ROBO2: variants seen among roughly 807,000 people sequenced by gnomAD.
ROBO2 encodes roundabout guidance receptor 2, also known as roundabout homolog 2.
Under a neutral mutation model 160.8 loss-of-function variants are expected in ROBO2, and 53 were observed. The observed-to-expected ratio is 0.33, with a 90% CI of 0.26 to 0.41. The LOEUF (loss-of-function observed/expected upper bound fraction) is 0.41. ROBO2 is among the 10% of genes least tolerant of loss of function. The pLI, the probability that ROBO2 is intolerant of heterozygous loss-of-function variation, is 1.00. For synonymous variants in ROBO2, 664 were observed against 611.7 expected, an observed-to-expected ratio of 1.09 and a Z score of -1.26; for missense variants, 1,577 against 1,722.4, an observed-to-expected ratio of 0.92 and a Z score of 1.49.
intron 2 of ROBO2, among the ~76,000 whole-genome samples, chr3:76,536,482 G>A (rs990657153): frequency 4.6e-5 from 7 of 152,108 alleles, no homozygotes; most frequent in Admixed American, 1.3e-4. Flanking sequence ...CTGGGTTTTC[G>A]TCTTTACCTT....
At chr3:75,988,234 C>A (rs1242394063) in intron 2 of ROBO2, among the ~76,000 whole-genome samples, 1 of 152,010 alleles carries the variant, frequency 6.6e-6, no homozygotes, top group Non-Finnish European at 1.5e-5. Context: ...TTCAGATTTT[C>A]TATTTTTTCA....
chr3:76,854,531 T>C (rs1454385366), intron 2 of ROBO2, among the ~76,000 whole-genome samples: 1 of 152,188 alleles, frequency 6.6e-6, no homozygotes, highest in Non-Finnish European at 1.5e-5. Context: ...TTTCCAATAA[T>C]ACCCAGTGGT....
At chr3:77,373,823 C>T (rs2072181560) in intron 2 of ROBO2, among the ~76,000 whole-genome samples, 1 of 150,590 alleles carries the variant, frequency 6.6e-6, no homozygotes, top group African/African-American at 2.5e-5. Flanking sequence ...TTTTCATTCA[C>T]TCCCACAGGG....
At chr3:76,170,517 A>T (rs1243006222) in intron 2 of ROBO2, among the ~76,000 whole-genome samples, 5 of 152,198 alleles carry the variant, frequency 3.3e-5, no homozygotes, top group Admixed American at 3.3e-4. Flanking sequence ...ATTTTATACT[A>T]CGCAAATTAG....
intron 2 of ROBO2, among the ~76,000 whole-genome samples, chr3:77,457,917 G>A (rs563089976): frequency 3.9e-5 from 6 of 152,050 alleles, no homozygotes; most frequent in African/African-American, 1.4e-4. Context: ...ATACTAATCA[G>A]GACAATTATC....
intron 2 of ROBO2, among the ~76,000 whole-genome samples, chr3:77,312,397 A>G (rs1371605085): frequency 6.6e-6 from 1 of 152,198 alleles, no homozygotes. Flanking sequence ...GAAGCATTTT[A>G]TGAAGCCAGT....
chr3:77,269,251 A>G (rs1049218715), intron 2 of ROBO2, among the ~76,000 whole-genome samples: 39 of 152,300 alleles, frequency 2.6e-4, no homozygotes, highest in African/African-American at 9.1e-4. Flanking sequence ...TAGTCTTATC[A>G]ACATGGATAA....
intron 2 of ROBO2, among the ~76,000 whole-genome samples, chr3:76,322,180 AT>A (rs1559761292): frequency 1.7e-5 from 1 of 58,024 alleles, no homozygotes; most frequent in Admixed American, 1.6e-4. Flanking sequence ...ATATATATAT[AT>A]ATATATATAT....
At chr3:76,184,957 T>C (rs1001621915) in intron 2 of ROBO2, among the ~76,000 whole-genome samples, 3 of 151,792 alleles carry the variant, frequency 2.0e-5, no homozygotes, top group African/African-American at 4.8e-5. Context: ...CGATGGTGGC[T>C]CTTCTCTACC....
intron 2 of ROBO2, among the ~76,000 whole-genome samples, chr3:76,007,671 T>C (rs1195558829): frequency 6.6e-6 from 1 of 152,148 alleles, no homozygotes; most frequent in Non-Finnish European, 1.5e-5. Context: ...TTATCATAGA[T>C]AAGTAAGGGT....
intron 2 of ROBO2, among the ~76,000 whole-genome samples, chr3:77,298,372 G>A (rs2062342658): frequency 6.6e-6 from 1 of 152,106 alleles, no homozygotes; most frequent in South Asian, 2.1e-4. Flanking sequence ...TAGCTGGAAA[G>A]GAACTCCAAT....
chr3:76,359,555 C>T (rs1035291386), intron 2 of ROBO2, among the ~76,000 whole-genome samples: 1 of 151,966 alleles, frequency 6.6e-6, no homozygotes, highest in Non-Finnish European at 1.5e-5. Flanking sequence ...CCTCCTGTTA[C>T]GCACAATGGT....
intron 14 of ROBO2, among the ~76,000 whole-genome samples, chr3:77,576,584 G>A (rs1388919348): frequency 6.6e-6 from 1 of 152,056 alleles, no homozygotes; most frequent in Non-Finnish European, 1.5e-5. Flanking sequence ...TAGTTCTCAG[G>A]CACATTAAAT....
At chr3:76,073,203 C>T (rs1439483896) in intron 2 of ROBO2, among the ~76,000 whole-genome samples, 2 of 136,346 alleles carry the variant, frequency 1.5e-5, no homozygotes, top group Non-Finnish European at 3.1e-5. Flanking sequence ...ATTTTTAAAA[C>T]ATTTAATTTC....
At chr3:75,973,677 A>T (rs582925) in intron 2 of ROBO2, among the ~76,000 whole-genome samples, 1 of 151,434 alleles carries the variant, frequency 6.6e-6, no homozygotes, top group Non-Finnish European at 1.5e-5. Flanking sequence ...AAGGAAACTA[A>T]TTTTATAGAA....
intron 2 of ROBO2, among the ~76,000 whole-genome samples, chr3:76,827,662 C>G (rs2066705100): frequency 6.6e-6 from 1 of 152,064 alleles, no homozygotes; most frequent in African/African-American, 2.4e-5. Flanking sequence ...AGCATTTTCA[C>G]AATTCAGTTC....
At chr3:77,200,242 G>T (rs2082707690) in intron 2 of ROBO2, among the ~76,000 whole-genome samples, 1 of 115,744 alleles carries the variant, frequency 8.6e-6, no homozygotes, top group Non-Finnish European at 1.7e-5. Flanking sequence ...TAATTTGTGT[G>T]TATGTATATC....
chr3:77,631,350 CTGT>C (rs1180497667), intron 23 of ROBO2: 1 of 152,102 alleles, frequency 6.6e-6, no homozygotes, highest in Non-Finnish European at 1.5e-5. Flanking sequence ...CCTAACTATT[CTGT>C]TGTTGCTTAA....
At chr3:76,551,627 C>T (rs753809322) in intron 2 of ROBO2, among the ~76,000 whole-genome samples, 25 of 152,240 alleles carry the variant, frequency 1.6e-4, no homozygotes, top group East Asian at 1.2e-3. Context: ...CCTGAACCAG[C>T]GCTGTGACAC....
Sources: gnomAD v4.1 joint callset for allele counts (sites outside exome capture counted in the v4.1 genomes callset) on GRCh38, gnomAD v4.1.1 for gene constraint, MANE v1.5 for transcripts, NCBI Gene and HGNC (gene_info 2026-07-23, HGNC 2026-07-21) for gene names.